TLN2: variants seen among roughly 807,000 people sequenced by gnomAD.
TLN2 encodes the protein talin-2.
Under a neutral mutation model 294.7 loss-of-function variants are expected in TLN2, and 118 were observed. That is an observed-to-expected ratio of 0.40 (90% CI 0.34 to 0.47). The LOEUF is 0.47. TLN2 is among the 20% of genes least tolerant of loss of function. TLN2 has a pLI of 0.84. For missense variants in TLN2, 3,083 were observed against 3,282.2 expected (o/e 0.94, Z 1.48); for synonymous variants, 1,431 against 1,304.5 (o/e 1.10, Z -2.09).
intron 1 of TLN2, among the ~76,000 whole-genome samples, chr15:62,472,898 C>G (rs1460148269): frequency 6.6e-6 from 1 of 152,210 alleles, no homozygotes; most frequent in Admixed American, 6.5e-5. Context: ...CCTCTGTGTG[C>G]AGCTGAGGAA....
At chr15:62,564,705 G>A (rs1218700730) in intron 1 of TLN2, among the ~76,000 whole-genome samples, 2 of 151,816 alleles carry the variant, frequency 1.3e-5, no homozygotes, top group Admixed American at 6.6e-5. Context: ...CCAGGAGTTC[G>A]AGACCAGCCT....
rs1161894045 is a variant in TLN2 at position 62,719,967 on chromosome 15, AC to A, written c.2991+88del. 6.0e-5 allele frequency: 61 copies of A among 1,008,910 alleles called. No individual in the cohort carries two copies. In the East Asian group the frequency reaches 1.7e-3, roughly 28 times the overall value. The allele number at this position is 1,008,910 out of a possible 1,614,324, so 62.5% of individuals were successfully genotyped here. A position where few individuals can be genotyped will look rare whatever the true frequency, so the allele number is the denominator to read the frequency against. On this transcript the variant is annotated intron_variant, in intron 25 of 58. Coordinates refer to ENST00000636159, the MANE Select transcript of TLN2 (RefSeq NM_015059.3). ...TTAAGGAGAGGAGTTAATGAATTCCACAGCCTCAGCTAAGTCTTTGCGGTAG... is the reference window on the plus strand; with the variant it reads ...TTAAGGAGAGGAGTTAATGAATTCCAAGCCTCAGCTAAGTCTTTGCGGTAG...
chr15:62,765,356 G>A (rs962154166), intron 40 of TLN2, among the ~76,000 whole-genome samples: 3 of 147,626 alleles, frequency 2.0e-5, no homozygotes, highest in Admixed American at 2.0e-4. Context: ...TTTCAAGTTT[G>A]CATGTTAGTC....
intron 39 of TLN2, 142 bp from the exon 40 acceptor site, chr15:62,763,421 A>C (rs118125600): frequency 0.014 from 15,767 of 1,115,416 alleles, 150 homozygotes; most frequent in Middle Eastern, 0.035. Context: ...GACGTTGCCA[A>C]CCAGGGGTCA....
intron 55 of TLN2, 54 bp from the exon 56 acceptor site, chr15:62,835,683 G>A: frequency 6.2e-7 from 1 of 1,600,844 alleles, no homozygotes; most frequent in South Asian, 1.1e-5. Flanking sequence ...ATGAGGGGCT[G>A]CGACCACTGG....
At chr15:62,686,391 G>A (rs1038201180) in intron 11 of TLN2, among the ~76,000 whole-genome samples, 1 of 152,070 alleles carries the variant, frequency 6.6e-6, no homozygotes, top group African/African-American at 2.4e-5. Flanking sequence ...TCTGTTTTTG[G>A]AGCAAGCTGC....
At chr15:62,735,397 C>A (rs1336344737) in intron 28 of TLN2, among the ~76,000 whole-genome samples, 1 of 152,170 alleles carries the variant, frequency 6.6e-6, no homozygotes, top group African/African-American at 2.4e-5. Context: ...TCACCAAATC[C>A]CATCATCTGT....
chr15:62,650,003 G>A (rs1325266435), intron 4 of TLN2, 81 bp from the exon 5 acceptor site: 55 of 1,395,510 alleles, frequency 3.9e-5, no homozygotes, highest in Admixed American at 1.7e-5. Flanking sequence ...TCCTTGCTGA[G>A]TCAGCAGGCT....
chr15:62,513,081 T>C (rs774219170), intron 1 of TLN2, among the ~76,000 whole-genome samples: 2 of 152,214 alleles, frequency 1.3e-5, no homozygotes, highest in Admixed American at 6.5e-5. Flanking sequence ...AAGTGGCAGC[T>C]GCTACATAGG....
chr15:62,723,786 G>C lies in TLN2; in HGVS notation c.3127-1190G>C. 1.3e-5 allele frequency among the ~76,000 whole-genome samples: 2 copies of C among 151,490 alleles called. 1 individual carries two copies. Among genetic ancestry groups the C allele is most frequent in the East Asian group, 3.9e-4 (2 of 5,082 alleles). Reference sequence around the variant, plus strand: ...GCTGGTCTTGAACTCCTGAGCTCAAGTAATCCTCCCACTTGAGCCTCCCAA... The same window carrying C: ...GCTGGTCTTGAACTCCTGAGCTCAACTAATCCTCCCACTTGAGCCTCCCAA... On this transcript the variant is annotated intron_variant, in intron 26 of 58. Coordinates refer to ENST00000636159, the MANE Select transcript of TLN2 (RefSeq NM_015059.3).
chr15:62,675,342 A>C, intron 11 of TLN2, 21 bp downstream of exon 11: 1 of 1,610,574 alleles, frequency 6.2e-7, no homozygotes, highest in Non-Finnish European at 8.5e-7. Flanking sequence ...CAGAATGGGG[A>C]GAGTGTTCAC....
intron 1 of TLN2, among the ~76,000 whole-genome samples, chr15:62,522,838 C>T (rs928432049): frequency 6.6e-6 from 1 of 151,988 alleles, no homozygotes; most frequent in Non-Finnish European, 1.5e-5. Flanking sequence ...GTGCAGTTAA[C>T]TTTGACTTTG....
intron 1 of TLN2, among the ~76,000 whole-genome samples, chr15:62,463,102 T>C (rs2036905879): frequency 6.6e-6 from 1 of 152,186 alleles, no homozygotes; most frequent in South Asian, 2.1e-4. Flanking sequence ...CTGAACTTCT[T>C]TGGATGTTTT....
chr15:62,543,619 G>A (rs1395806696), intron 1 of TLN2, among the ~76,000 whole-genome samples: 1 of 152,096 alleles, frequency 6.6e-6, no homozygotes, highest in Non-Finnish European at 1.5e-5. Context: ...GTTGGGCGTG[G>A]TGGTGTGCGC....
chr15:62,630,941 A>T (rs1215059098), intron 3 of TLN2, among the ~76,000 whole-genome samples: 1 of 152,172 alleles, frequency 6.6e-6, no homozygotes, highest in African/African-American at 2.4e-5. Flanking sequence ...CCCCCCAGTA[A>T]ATTTCTAGAT....
In TLN2 at chr15:62,606,084, T is replaced by G. The variant is rs961448869; in HGVS notation, c.-161-12267T>G. Among the ~76,000 whole-genome samples, 3 of 151,328 alleles carry G rather than the reference T, an allele frequency of 2.0e-5. No homozygotes were observed. In the South Asian group the frequency reaches 6.3e-4, roughly 32 times the overall value. On this transcript the variant is annotated intron_variant, in intron 2 of 58. Transcript: ENST00000636159. ...ACAGTGTTTACCATTTCAAAAAGAT[T>G]TTTTTTTTGTTTTTTGAGACGGAGT...
At chr15:62,407,371 A>G (rs911267765) in intron 1 of TLN2, among the ~76,000 whole-genome samples, 20 of 152,182 alleles carry the variant, frequency 1.3e-4, no homozygotes, top group African/African-American at 4.1e-4. Flanking sequence ...CTTGATATGC[A>G]TAAGAATCTC....
intron 8 of TLN2, among the ~76,000 whole-genome samples, chr15:62,656,773 A>G (rs571613602): frequency 4.6e-5 from 7 of 152,288 alleles, no homozygotes; most frequent in African/African-American, 1.4e-4. Context: ...GTACTTGTCA[A>G]TAAAGTTGTA....
intron 1 of TLN2, among the ~76,000 whole-genome samples, chr15:62,494,033 T>G (rs1170123883): frequency 6.6e-6 from 1 of 152,012 alleles, no homozygotes; most frequent in Admixed American, 6.5e-5. Flanking sequence ...TGGGTGATCC[T>G]AGGATTCTTT....
Sources: gnomAD v4.1 joint callset for allele counts (sites outside exome capture counted in the v4.1 genomes callset) on GRCh38, gnomAD v4.1.1 for gene constraint, MANE v1.5 for transcripts, NCBI Gene and HGNC (gene_info 2026-07-23, HGNC 2026-07-21) for gene names.